Variants in SAMM50 observed in about 807,000 individuals in gnomAD.
SAMM50 encodes the protein SAMM50 sorting and assembly machinery component, also known as sorting and assembly machinery component 50 homolog.
In SAMM50, 47 loss-of-function variants were observed where a neutral mutation model predicts 66.9. The ratio of observed to expected loss-of-function variants is 0.70; its 90% CI spans 0.56 to 0.90. The LOEUF is 0.90. SAMM50 is among the 40% of genes least tolerant of loss of function. The pLI is 0.00. For missense variants in SAMM50, 535 were observed against 595.3 expected (o/e 0.90, Z 1.05); for synonymous variants, 191 against 214.1 (o/e 0.89, Z 0.94).
At position 43,983,188 on chromosome 22, in the gene SAMM50, G is replaced by A. The variant is rs1448799918; in HGVS notation, c.1008-745G>A. ...CCTCCCGCGGCCTCAAAGGTCAGAG[G>A]GCTCTGAGGGCACCTGCCGGGGTTG... On this transcript the variant is annotated intron_variant, in intron 11 of 14. Coordinates refer to ENST00000350028, the MANE Select transcript of SAMM50 (RefSeq NM_015380.5). The surrounding 1 kb of genome is among the most constrained non-coding windows in gnomAD (Gnocchi z 4.2). Among the ~76,000 whole-genome samples, 1 of 152,214 alleles carries A rather than the reference G, an allele frequency of 6.6e-6. No individual in the cohort carries two copies. Among genetic ancestry groups the A allele is most frequent in the Non-Finnish European group, 1.5e-5 (1 of 68,044 alleles).
At chr22:43,988,962 C>G in intron 12 of SAMM50, 149 bp from the exon 13 acceptor site, 1 of 626,640 alleles carries the variant, frequency 1.6e-6, no homozygotes, top group Non-Finnish European at 2.7e-6. Flanking sequence ...CCATCAGTAT[C>G]AGGAATGAGA....
intron 1 of SAMM50, among the ~76,000 whole-genome samples, chr22:43,962,865 G>A (rs1174861035): frequency 5.3e-5 from 7 of 132,670 alleles, no homozygotes; most frequent in Admixed American, 4.1e-4. Context: ...GGATTTGTGC[G>A]TGACCCTTTT....
intron 1 of SAMM50, chr22:43,957,198 C>G: frequency 1.5e-6 from 1 of 683,058 alleles, no homozygotes; most frequent in Non-Finnish European, 2.7e-6. Flanking sequence ...TGACTCCTGG[C>G]GGCAAATCAA....
At chr22:43,975,974 G>T in intron 7 of SAMM50, 81 bp from the exon 8 acceptor site, 3 of 1,406,360 alleles carry the variant, frequency 2.1e-6, no homozygotes, top group Non-Finnish European at 2.9e-6. Context: ...ATTGTTTCAT[G>T]ATGCTTCATT....
At position 43,976,146 on chromosome 22, in the gene SAMM50, G is replaced by A. The variant is rs749785044; in HGVS notation, c.740G>A (p.Arg247Gln). ...CLSRTASFAVRKESGHSLKSS... is the reference protein window; with the variant it reads ...CLSRTASFAVQKESGHSLKSS... ...TCAAGGACGGCGTCATTTGCTGTTCGAAAAGAAAGCGGACATTCACTGAAA... is the reference window on the plus strand; with the variant it reads ...TCAAGGACGGCGTCATTTGCTGTTCAAAAAGAAAGCGGACATTCACTGAAA... The change falls in exon 8 of 15, where the codon CGA (arginine) becomes CAA (glutamine). Residue 247 changes from arginine to glutamine, a missense_variant. Transcript: ENST00000350028. 6.2e-6 allele frequency: 10 copies of A among 1,609,488 alleles called. No homozygotes were observed. Among genetic ancestry groups the A allele is most frequent in the East Asian group, 2.2e-5 (1 of 44,732 alleles).
At chr22:43,986,166 C>CTA (rs1485926703) in intron 12 of SAMM50, among the ~76,000 whole-genome samples, 2 of 151,004 alleles carry the variant, frequency 1.3e-5, no homozygotes, top group Non-Finnish European at 2.9e-5. Flanking sequence ...CCTCATCCTC[C>CTA]TGAGTAGCAT....
chr22:43,979,583 T>TC (rs1473864612), intron 10 of SAMM50, among the ~76,000 whole-genome samples: 1 of 150,978 alleles, frequency 6.6e-6, no homozygotes, highest in Non-Finnish European at 1.5e-5. Context: ...GCCTTCCCCT[T>TC]CCCCCCTCTA....
chr22:43,977,804 A>G (rs954563725), intron 9 of SAMM50, 68 bp from the exon 10 acceptor site: 2 of 1,083,838 alleles, frequency 1.8e-6, no homozygotes, highest in Non-Finnish European at 2.7e-6. Flanking sequence ...CTGATGCAAA[A>G]ACATGATTCT....
intron 5 of SAMM50, 135 bp downstream of exon 5, chr22:43,972,477 G>T: frequency 3.6e-6 from 2 of 550,894 alleles, no homozygotes; most frequent in Non-Finnish European, 6.3e-6. Flanking sequence ...GTTATTTGTG[G>T]TTTCTCTTTA....
In SAMM50 at chr22:43,996,407, C is replaced by G. The variant is rs754504590; in HGVS notation, c.*24C>G. ...AGCCGACACCCCTACAGGAGAAGCT[C>G]TGGGACTGGGGCAGCAGCAAGGCGC... On this transcript the variant is annotated 3_prime_UTR_variant, in exon 15 of 15. Transcript: ENST00000350028. 6.9e-5 allele frequency: 111 copies of G among 1,612,906 alleles called. No individual in the cohort carries two copies. The highest frequency in any genetic ancestry group is 8.8e-5 in the Non-Finnish European group (104 of 1,178,944).
At chr22:43,986,081 T>A (rs1251225008) in intron 12 of SAMM50, among the ~76,000 whole-genome samples, 4 of 140,022 alleles carry the variant, frequency 2.9e-5, no homozygotes, top group Non-Finnish European at 6.0e-5. Flanking sequence ...CTTGCTCTGT[T>A]GCCCAGACTG....
At chr22:43,987,153 G>A (rs2050298899) in intron 12 of SAMM50, 1 of 152,118 alleles carries the variant, frequency 6.6e-6, no homozygotes, top group Admixed American at 6.5e-5. Context: ...AGACTCTGTG[G>A]GCAAGAATGT....
At chr22:43,965,409 T>C (rs1000933942) in intron 3 of SAMM50, among the ~76,000 whole-genome samples, 7 of 152,100 alleles carry the variant, frequency 4.6e-5, no homozygotes, top group African/African-American at 1.4e-4. Context: ...GGCTTTGTCA[T>C]GTTGGCCAGG....
In SAMM50 at chr22:43,983,898, GA is replaced by G. The variant is rs2050277125; in HGVS notation, c.1008-34del. On this transcript the variant is annotated intron_variant, in intron 11 of 14. Transcript: ENST00000350028. The surrounding 1 kb of genome is among the most constrained non-coding windows in gnomAD (Gnocchi z 4.2). ...TGTGTCATGTCGTTTCTCACCTCCT[GA>G]CTTTCCTCTGACCTGTGTGCTGTTT... 2.0e-6 allele frequency: 3 copies of G among 1,517,346 alleles called. No homozygotes were observed. Among genetic ancestry groups the G allele is most frequent in the Non-Finnish European group, 9.0e-7 (1 of 1,106,158 alleles). 94.0% of individuals were successfully genotyped at this position (1,517,346 alleles called of 1,614,324 possible).
At chr22:43,965,798 T>A (rs2050170192) in intron 3 of SAMM50, among the ~76,000 whole-genome samples, 1 of 152,194 alleles carries the variant, frequency 6.6e-6, no homozygotes, top group African/African-American at 2.4e-5. Flanking sequence ...CTGTTGGCTG[T>A]GTGGTACCTC....
intron 12 of SAMM50, 110 bp downstream of exon 12, chr22:43,984,110 G>A (rs2050279119): frequency 2.2e-6 from 2 of 892,544 alleles, no homozygotes; most frequent in Non-Finnish European, 1.7e-6. Flanking sequence ...CTTTCACGGT[G>A]GTGGAATTAG....
chr22:43,991,841 TC>T (rs2050326446), intron 14 of SAMM50, among the ~76,000 whole-genome samples: 1 of 148,820 alleles, frequency 6.7e-6, no homozygotes, highest in African/African-American at 2.6e-5. Flanking sequence ...CGATGCCTCT[TC>T]TTATGCGGCC....
At chr22:43,956,633 C>T (rs115235259) in intron 1 of SAMM50, among the ~76,000 whole-genome samples, 2,901 of 152,194 alleles carry the variant, frequency 0.019, 107 homozygotes, top group African/African-American at 0.066. Flanking sequence ...AGAGAGGAAA[C>T]CTCAAATCCA....
chr22:43,973,254 T>G lies in SAMM50; in HGVS notation c.579T>G (p.Tyr193Ter), dbSNP rs1354211426. 6.2e-6 allele frequency: 10 copies of G among 1,602,684 alleles called. No individual in the cohort carries two copies. Among genetic ancestry groups the G allele is most frequent in the Non-Finnish European group, 8.5e-6 (10 of 1,169,604 alleles). The change falls in exon 7 of 15, where the codon TAT becomes TAG. Residue 193 changes from tyrosine to a stop codon, truncating the protein, a stop_gained. Coordinates refer to ENST00000350028, the MANE Select transcript of SAMM50 (RefSeq NM_015380.5). LOFTEE classifies it high-confidence loss of function. ...NFERNFSVNLYKVTGQFPWSS... is the reference protein window; with the variant it reads ...NFERNFSVNL Reference sequence around the variant, plus strand: ...CTCCTAGTTTCTCTGTAAACTTATATAAAGTTACTGGACAGTTCCCTTGGA... The same window carrying G: ...CTCCTAGTTTCTCTGTAAACTTATAGAAAGTTACTGGACAGTTCCCTTGGA...
Sources: gnomAD v4.1 joint callset for allele counts (sites outside exome capture counted in the v4.1 genomes callset) on GRCh38, gnomAD v4.1.1 for gene constraint, Gnocchi (gnomAD v3.1) non-coding constraint, MANE v1.5 for transcripts, NCBI Gene and HGNC (gene_info 2026-07-23, HGNC 2026-07-21) for gene names.